DMGDH: variants seen among roughly 807,000 people sequenced by gnomAD.
DMGDH encodes dimethylglycine dehydrogenase.
A neutral mutation model predicts 95.2 loss-of-function variants in DMGDH; 76 were observed. The observed-to-expected ratio is 0.80, with a 90% CI of 0.66 to 0.97. The LOEUF is 0.97. Ranked by LOEUF, DMGDH falls within the 50% of genes least tolerant of loss-of-function variation. The pLI is 0.00. For missense variants in DMGDH, 987 were observed against 1,055.0 expected, an observed-to-expected ratio of 0.94 and a Z score of 0.89; for synonymous variants, 345 against 377.6, an observed-to-expected ratio of 0.91 and a Z score of 1.00.
At chr5:79,005,229 C>A in intron 15 of DMGDH, 44 bp downstream of exon 15, 1 of 1,611,180 alleles carries the variant, frequency 6.2e-7, no homozygotes, top group East Asian at 2.2e-5. Flanking sequence ...GTTTCTGTTG[C>A]AGAAGATGCC....
At chr5:79,030,162 C>T (rs1283736407) in intron 10 of DMGDH, 128 bp from the exon 11 acceptor site, 7 of 782,280 alleles carry the variant, frequency 8.9e-6, no homozygotes, top group East Asian at 2.7e-5. Context: ...TTGTGTCAAT[C>T]GTATGAATTA....
intron 14 of DMGDH, chr5:79,021,327 AGAGCCATCAG>A (rs1753861809): frequency 9.1e-7 from 1 of 1,097,510 alleles, no homozygotes; most frequent in Non-Finnish European, 1.1e-6. Context: ...ATGAGATCTG[AGAGCCATCAG>A]GAGTATATCT....
chr5:79,049,119 T>C (rs1754762966), intron 5 of DMGDH, among the ~76,000 whole-genome samples: 1 of 152,166 alleles, frequency 6.6e-6, no homozygotes, highest in Non-Finnish European at 1.5e-5. Context: ...AGGACCTCCT[T>C]TCCCTGCCCT....
At chr5:79,060,650 G>A (rs897755042) in intron 2 of DMGDH, among the ~76,000 whole-genome samples, 2 of 152,148 alleles carry the variant, frequency 1.3e-5, no homozygotes, top group Non-Finnish European at 2.9e-5. Context: ...GCCTGGCGCG[G>A]TGGCTCACGC....
intron 14 of DMGDH, among the ~76,000 whole-genome samples, chr5:79,007,314 G>C (rs1397620686): frequency 2.0e-5 from 3 of 152,042 alleles, no homozygotes; most frequent in African/African-American, 7.2e-5. Context: ...AACACAAATA[G>C]AAAATACAGT....
chr5:79,062,499 G>A (rs1195045727), intron 2 of DMGDH, among the ~76,000 whole-genome samples: 1 of 151,386 alleles, frequency 6.6e-6, no homozygotes, highest in Non-Finnish European at 1.5e-5. Flanking sequence ...ATGAGCAGGG[G>A]CTAACGCTGC....
At chr5:79,013,753 C>A (rs550209852) in intron 14 of DMGDH, among the ~76,000 whole-genome samples, 3 of 152,164 alleles carry the variant, frequency 2.0e-5, no homozygotes, top group South Asian at 4.2e-4. Flanking sequence ...GGGGAGCTGG[C>A]ATGTCTTACA....
intron 10 of DMGDH, 103 bp downstream of exon 10, chr5:79,030,730 C>T: frequency 8.4e-7 from 1 of 1,192,246 alleles, no homozygotes; most frequent in Non-Finnish European, 1.2e-6. Flanking sequence ...TTGAAGAGTT[C>T]TAGTGTTCAT....
intron 15 of DMGDH, chr5:79,000,937 C>A (rs1157972099): frequency 1.5e-6 from 1 of 673,094 alleles, no homozygotes; most frequent in South Asian, 1.8e-5. Flanking sequence ...GTACCTGGGT[C>A]CTCATTTGGC....
At chr5:79,044,592 TA>T (rs1357834694) in intron 5 of DMGDH, 40 bp from the exon 6 acceptor site, 1 of 1,609,384 alleles carries the variant, frequency 6.2e-7, no homozygotes, top group South Asian at 1.1e-5. Context: ...AGCCCATATA[TA>T]AACACATAAC....
intron 15 of DMGDH, among the ~76,000 whole-genome samples, chr5:79,004,568 AAC>A (rs1167612732): frequency 1.3e-5 from 2 of 152,152 alleles, no homozygotes; most frequent in East Asian, 3.9e-4. Flanking sequence ...CACCAGGAAA[AAC>A]ACACCCACAC....
intron 7 of DMGDH, among the ~76,000 whole-genome samples, chr5:79,034,787 A>G (rs113289211): frequency 0.097 from 14,753 of 152,106 alleles, 1,286 homozygotes; most frequent in African/African-American, 0.23. Flanking sequence ...GCCGGGCGCG[A>G]TGTCTCACGC....
intron 15 of DMGDH, chr5:79,000,215 C>T: frequency 8.1e-6 from 5 of 617,286 alleles, no homozygotes; most frequent in South Asian, 6.8e-5. Context: ...GTGATCTGGT[C>T]CTACAGAATC....
chr5:79,050,717 T>TG (rs2112658311), intron 5 of DMGDH, among the ~76,000 whole-genome samples: 1 of 152,270 alleles, frequency 6.6e-6, no homozygotes, highest in African/African-American at 2.4e-5. Context: ...CAAATGAAAA[T>TG]GAGTGTGTTG....
At chr5:79,037,728 A>T (rs1267828180) in intron 7 of DMGDH, among the ~76,000 whole-genome samples, 1 of 152,246 alleles carries the variant, frequency 6.6e-6, no homozygotes, top group East Asian at 1.9e-4. Flanking sequence ...ATTAGTTAAT[A>T]GGTGTTCCAC....
At chr5:78,998,386 C>A in intron 15 of DMGDH, 89 bp from the exon 16 acceptor site, 1 of 1,311,168 alleles carries the variant, frequency 7.6e-7, no homozygotes, top group Admixed American at 2.0e-5. Flanking sequence ...AATACAGATT[C>A]AACTTACAAA....
rs151222790 is a variant in DMGDH at position 79,043,922 on chromosome 5, G to A, written c.994+382C>T. Among the ~76,000 whole-genome samples, 72 of 152,294 alleles carry A rather than the reference G, an allele frequency of 4.7e-4. No homozygotes were observed. The Middle Eastern group carries it at 0.014, about 29-fold the overall frequency. ...GATGGATATCTGGCCTCTGATATCAGTTGTGTTTCCAGCTGTAAAAGCACA... is the reference window on the plus strand; with the variant it reads ...GATGGATATCTGGCCTCTGATATCAATTGTGTTTCCAGCTGTAAAAGCACA... On this transcript the variant is annotated intron_variant, in intron 6 of 15. Coordinates refer to ENST00000255189, the MANE Select transcript of DMGDH (RefSeq NM_013391.3).
chr5:79,020,713 A>C, intron 14 of DMGDH: 1 of 983,456 alleles, frequency 1.0e-6, no homozygotes, highest in Non-Finnish European at 1.2e-6. Flanking sequence ...ACTAGTTAGA[A>C]GCTCTACACG....
intron 15 of DMGDH, 115 bp from the exon 16 acceptor site, chr5:78,998,412 A>T (rs1416256603): frequency 9.9e-7 from 1 of 1,006,456 alleles, no homozygotes; most frequent in Non-Finnish European, 1.5e-6. Flanking sequence ...AGTTTTATGA[A>T]GTGCTGTCTG....
Sources: gnomAD v4.1 joint callset for allele counts (sites outside exome capture counted in the v4.1 genomes callset) on GRCh38, gnomAD v4.1.1 for gene constraint, MANE v1.5 for transcripts, NCBI Gene and HGNC (gene_info 2026-07-23, HGNC 2026-07-21) for gene names.